Variants in TBCD observed in about 807,000 individuals in gnomAD.
The protein encoded by TBCD is tubulin folding cofactor D, also known as tubulin-specific chaperone D.
Under a neutral mutation model 169.3 loss-of-function variants are expected in TBCD, and 105 were observed. That is an observed-to-expected ratio of 0.62 (90% CI 0.53 to 0.73). TBCD has a LOEUF of 0.73. Among genes scored for constraint, TBCD ranks in the 30% least tolerant of loss-of-function variants. TBCD has a pLI of 0.00. For missense variants in TBCD, 1,444 were observed against 1,600.1 expected (o/e 0.90, Z 1.66); for synonymous variants, 700 against 643.9 (o/e 1.09, Z -1.32).
intron 13 of TBCD, among the ~76,000 whole-genome samples, chr17:82,861,338 CCGCTGGTT>C (rs1277809444): frequency 0.08 from 543 of 6,814 alleles, 4 homozygotes; most frequent in Non-Finnish European, 0.13. Context: ...CTCACGTCAG[CCGCTGGTT>C]CACGTCAGCC....
chr17:82,792,754 G>C (rs1401454858), intron 7 of TBCD, among the ~76,000 whole-genome samples: 1 of 152,184 alleles, frequency 6.6e-6, no homozygotes, highest in African/African-American at 2.4e-5. Context: ...AAAGATAAAA[G>C]CTAGATGTGA....
intron 15 of TBCD, chr17:82,886,422 G>A (rs2058710395): frequency 6.6e-6 from 1 of 151,906 alleles, no homozygotes; most frequent in Non-Finnish European, 1.5e-5. Flanking sequence ...GAAGGAATGG[G>A]CAGTAGAGAT....
intron 13 of TBCD, among the ~76,000 whole-genome samples, chr17:82,867,367 A>AT (rs2057246770): frequency 6.6e-6 from 1 of 152,234 alleles, no homozygotes; most frequent in African/African-American, 2.4e-5. Context: ...TTGCACCCAG[A>AT]TGCCCGAGGC....
chr17:82,872,490 G>A (rs968874684), intron 14 of TBCD, among the ~76,000 whole-genome samples: 2 of 152,310 alleles, frequency 1.3e-5, no homozygotes, highest in South Asian at 4.1e-4. Flanking sequence ...AGCTCCTGAG[G>A]CCCTGCCGCG....
chr17:82,830,250 CTT>C, intron 13 of TBCD: 1 of 1,614,240 alleles, frequency 6.2e-7, no homozygotes, highest in Non-Finnish European at 8.5e-7. Context: ...GACTTGTCCT[CTT>C]TTGTCCTTTG....
intron 22 of TBCD, 34 bp downstream of exon 22, chr17:82,909,341 T>C: frequency 6.6e-7 from 1 of 1,507,852 alleles, no homozygotes; most frequent in Non-Finnish European, 9.0e-7. Flanking sequence ...CTTATATCTG[T>C]GTCCTAATGA....
chr17:82,775,590 C>T (rs1451146812), intron 6 of TBCD, among the ~76,000 whole-genome samples: 1 of 152,070 alleles, frequency 6.6e-6, no homozygotes, highest in Non-Finnish European at 1.5e-5. Context: ...GGCGGCTCTA[C>T]AGCTGCACCC....
chr17:82,890,911 G>A lies in TBCD; in HGVS notation c.1563+1214G>A, dbSNP rs917647277. ...GTGTGGCTGCTGTGAGGAAGAAGGA[G>A]CTTGTTGGAAACCACTTAGCTGAGC... On this transcript the variant is annotated intron_variant, in intron 16 of 38. Transcript: ENST00000355528. The surrounding 1 kb of genome is among the most constrained non-coding windows in gnomAD (Gnocchi z 5.3). 2.6e-5 allele frequency among the ~76,000 whole-genome samples: 4 copies of A among 152,216 alleles called. No homozygotes were observed. Among genetic ancestry groups the A allele is most frequent in the African/African-American group, 9.6e-5 (4 of 41,464 alleles).
intron 6 of TBCD, among the ~76,000 whole-genome samples, chr17:82,777,556 G>T (rs915544608): frequency 5.9e-5 from 9 of 152,244 alleles, no homozygotes; most frequent in Non-Finnish European, 1.3e-4. Context: ...ACTGGACGGG[G>T]GGCCCTTCCC....
In TBCD at chr17:82,937,260, T is replaced by G; in HGVS notation, c.3192-11T>G. 1.2e-6 allele frequency: 2 copies of G among 1,613,776 alleles called. No homozygotes were observed. The highest frequency in any genetic ancestry group is 1.7e-6 in the Non-Finnish European group (2 of 1,179,658). ...GAAAGCTCATCTCTAAAGTGTGTGT[T>G]GTTCTTCCAGCCACCCCTTTGCTGT... On this transcript the variant is annotated splice_polypyrimidine_tract_variant and intron_variant, in intron 34 of 38. Transcript: ENST00000355528.
chr17:82,836,551 C>G (rs3803769), intron 13 of TBCD, among the ~76,000 whole-genome samples: 2 of 152,190 alleles, frequency 1.3e-5, no homozygotes, highest in East Asian at 3.9e-4. Flanking sequence ...TTCGAAGCCG[C>G]ATTATTTCAC....
At chr17:82,924,840 G>C (rs1370319046) in intron 26 of TBCD, 99 bp from the exon 27 acceptor site, 3 of 968,540 alleles carry the variant, frequency 3.1e-6, no homozygotes, top group Non-Finnish European at 4.7e-6. Flanking sequence ...CTCCTCCTTT[G>C]TTCACTGTGG....
chr17:82,756,822 C>T (rs999058047), intron 2 of TBCD, among the ~76,000 whole-genome samples: 6 of 152,166 alleles, frequency 3.9e-5, no homozygotes, highest in African/African-American at 1.2e-4. Context: ...TTTTAGTTTA[C>T]ATTTGGGCAC....
chr17:82,830,948 A>G, intron 13 of TBCD: 2 of 1,613,314 alleles, frequency 1.2e-6, no homozygotes. Flanking sequence ...AGTGTGAGCA[A>G]GTATAAGCCT....
intron 6 of TBCD, among the ~76,000 whole-genome samples, chr17:82,779,839 G>T (rs1009167087): frequency 1.3e-5 from 2 of 152,182 alleles, no homozygotes; most frequent in Non-Finnish European, 2.9e-5. Context: ...CTTGCCTGGG[G>T]TCTCCACGTA....
chr17:82,909,025 C>G (rs980508370), intron 21 of TBCD, among the ~76,000 whole-genome samples: 2 of 152,226 alleles, frequency 1.3e-5, no homozygotes, highest in African/African-American at 4.8e-5. Flanking sequence ...GCAGGTGGCT[C>G]CAGCTCCCTA....
chr17:82,929,243 C>T lies in TBCD; in HGVS notation c.2824C>T (p.Arg942Ter), dbSNP rs759557110. 2.5e-6 allele frequency: 4 copies of T among 1,613,922 alleles called. No individual in the cohort carries two copies. Among genetic ancestry groups the T allele is most frequent in the Non-Finnish European group, 3.4e-6 (4 of 1,179,848 alleles). Reference sequence around the variant, plus strand: ...CCCTCCCATCCCCCACGTGCCCCACCGAGGAGAACTGGAAAAGCTGTTTCC... The same window carrying T: ...CCCTCCCATCCCCCACGTGCCCCACTGAGGAGAACTGGAAAAGCTGTTTCC... The part of the protein sequence containing the change: ...DSPPIPHVPH[R>*]GELEKLFPRS... Residue 942 changes from arginine (R) to a stop codon, truncating the protein, a stop_gained, in exon 31 of 39, where the codon CGA becomes TGA. Transcript: ENST00000355528. LOFTEE classifies it high-confidence loss of function.
rs902291136 is a variant in TBCD, at chr17:82,890,133, G to A, written c.1563+436G>A. On this transcript the variant is annotated intron_variant, in intron 16 of 38. Transcript: ENST00000355528. This position sits in a 1 kb window ranked among gnomAD's most constrained non-coding sequence, Gnocchi z 5.3. ...GAAGCTACGGACCCCATGACCCCAC[G>A]ACCCCACATCATGCTGGGGCTGCTT... Among the ~76,000 whole-genome samples, 2 of 152,174 alleles carry A rather than the reference G, an allele frequency of 1.3e-5. No individual in the cohort carries two copies. Among genetic ancestry groups the A allele is most frequent in the Non-Finnish European group, 2.9e-5 (2 of 68,032 alleles).
In TBCD at chr17:82,835,662, C is replaced by T. The variant is rs1214935168; in HGVS notation, c.1318+20728C>T. On this transcript the variant is annotated intron_variant, in intron 13 of 38. Transcript: ENST00000355528. The surrounding 1 kb of genome is among the most constrained non-coding windows in gnomAD (Gnocchi z 4.5). ...CTGGTCTTGAACTCCTGACCTCAGGCGATCTGCCCGCCTCAGCCTCCCAAA... is the reference window on the plus strand; with the variant it reads ...CTGGTCTTGAACTCCTGACCTCAGGTGATCTGCCCGCCTCAGCCTCCCAAA... Among the ~76,000 whole-genome samples the T allele has an allele frequency of 2.0e-5, 3 of 151,992 alleles. No homozygotes were observed. The highest frequency in any genetic ancestry group is 4.4e-5 in the Non-Finnish European group (3 of 67,990).
Sources: allele counts gnomAD v4.1 joint callset (sites outside exome capture counted in the v4.1 genomes callset), GRCh38; gene constraint gnomAD v4.1.1; non-coding constraint Gnocchi (gnomAD v3.1); transcripts MANE v1.5; gene names NCBI Gene and HGNC (gene_info 2026-07-23, HGNC 2026-07-21).